The following SDK2 variants were observed in gnomAD, a reference collection of about 807,000 sequenced individuals.
SDK2 encodes the protein protein sidekick-2.
A neutral mutation model predicts 253.9 loss-of-function variants in SDK2; 105 were observed. That is an observed-to-expected ratio of 0.41 (90% CI 0.35 to 0.49). The LOEUF (loss-of-function observed/expected upper bound fraction) is 0.49. Ranked by LOEUF, SDK2 falls within the 20% of genes least tolerant of loss-of-function variation. The pLI is 0.06. For missense variants in SDK2, 2,608 were observed against 3,003.0 expected (o/e 0.87, Z 3.07); for synonymous variants, 1,249 against 1,234.9 (o/e 1.01, Z -0.24).
chr17:73,339,837 G>A (rs186025315), intron 44 of SDK2, among the ~76,000 whole-genome samples: 5 of 151,904 alleles, frequency 3.3e-5, no homozygotes, highest in East Asian at 3.9e-4. Context: ...GATTACAGGC[G>A]TGAGCTACTT....
chr17:73,396,015 C>T (rs1568381056), intron 24 of SDK2, among the ~76,000 whole-genome samples: 1 of 152,088 alleles, frequency 6.6e-6, no homozygotes, highest in East Asian at 1.9e-4. Flanking sequence ...CTCCTGGGCT[C>T]AAGCAATCTC....
chr17:73,431,735 C>T lies in SDK2; in HGVS notation c.1313-66G>A, dbSNP rs1191425902. On this transcript the variant is annotated intron_variant, in intron 10 of 44. Coordinates refer to ENST00000392650, the MANE Select transcript of SDK2 (RefSeq NM_001144952.2). The surrounding 1 kb of genome is among the most constrained non-coding windows in gnomAD (Gnocchi z 5.6). The stretch of plus-strand genomic sequence containing the variant: ...AGGGCACACCCTGCCCTTCCCTGGC[C>T]GCTCCAGGGCAGCATGGTCCCCCCA... The T allele has an allele frequency of 4.6e-5, 67 of 1,451,062 alleles. No individual in the cohort carries two copies. The highest frequency in any genetic ancestry group is 2.6e-4 in the Middle Eastern group (1 of 3,906). 89.9% of individuals were successfully genotyped at this position (1,451,062 alleles called of 1,614,324 possible).
At chr17:73,358,325 G>A in intron 39 of SDK2, 121 bp from the exon 40 acceptor site, 3 of 1,317,412 alleles carry the variant, frequency 2.3e-6, no homozygotes, top group Non-Finnish European at 3.1e-6. Context: ...GAGCCGCCAG[G>A]AAGCCCTGCA....
chr17:73,526,852 G>A (rs553422021), intron 1 of SDK2, among the ~76,000 whole-genome samples: 7 of 152,176 alleles, frequency 4.6e-5, no homozygotes, highest in Non-Finnish European at 1.0e-4. Context: ...AATCTTTGAT[G>A]AGCATGCAAT....
chr17:73,566,919 T>A (rs566716806), intron 1 of SDK2, among the ~76,000 whole-genome samples: 1 of 150,932 alleles, frequency 6.6e-6, no homozygotes, highest in African/African-American at 2.4e-5. Context: ...AATTTCCAGC[T>A]TGGCCATGAG....
At chr17:73,466,502 C>T (rs936071567) in intron 3 of SDK2, among the ~76,000 whole-genome samples, 1 of 152,102 alleles carries the variant, frequency 6.6e-6, no homozygotes, top group South Asian at 2.1e-4. Flanking sequence ...ACGGTTACAC[C>T]CTGCCAGGCA....
intron 8 of SDK2, among the ~76,000 whole-genome samples, chr17:73,437,000 C>G (rs1419880194): frequency 6.6e-6 from 1 of 152,136 alleles, no homozygotes; most frequent in East Asian, 1.9e-4. Context: ...TCTCCCCACT[C>G]CTGAGGACAC....
intron 2 of SDK2, among the ~76,000 whole-genome samples, chr17:73,485,708 T>A (rs898262845): frequency 6.6e-6 from 1 of 152,214 alleles, no homozygotes; most frequent in African/African-American, 2.4e-5. Context: ...AATTATATGA[T>A]ATTCAAATTT....
chr17:73,493,526 C>G (rs557684195), intron 2 of SDK2, among the ~76,000 whole-genome samples: 1 of 152,274 alleles, frequency 6.6e-6, no homozygotes, highest in South Asian at 2.1e-4. Flanking sequence ...CCAGACTGTT[C>G]CATGCAGAGG....
At chr17:73,350,164 T>A in intron 43 of SDK2, 73 bp downstream of exon 43, 1 of 171,976 alleles carries the variant, frequency 5.8e-6, no homozygotes, top group Non-Finnish European at 8.7e-6. Flanking sequence ...CCCTGCTCTA[T>A]GGCCTTCCCC....
chr17:73,600,396 C>T (rs1353084372), intron 1 of SDK2, among the ~76,000 whole-genome samples: 3 of 152,180 alleles, frequency 2.0e-5, no homozygotes, highest in Admixed American at 6.5e-5. Flanking sequence ...AAAAACGGGA[C>T]GCCTTCCCAA....
intron 2 of SDK2, among the ~76,000 whole-genome samples, chr17:73,479,539 A>G (rs2063708676): frequency 1.3e-5 from 2 of 152,256 alleles, no homozygotes; most frequent in African/African-American, 4.8e-5. Context: ...GGCGATCAAA[A>G]GGGAAAAGAA....
chr17:73,393,082 TA>T (rs1457811346), intron 27 of SDK2, among the ~76,000 whole-genome samples: 1 of 151,436 alleles, frequency 6.6e-6, no homozygotes, highest in African/African-American at 2.4e-5. Flanking sequence ...CCAGCTCTAC[TA>T]AAAATACAAC....
intron 1 of SDK2, among the ~76,000 whole-genome samples, chr17:73,544,584 G>A (rs1430278841): frequency 6.6e-6 from 1 of 152,200 alleles, no homozygotes; most frequent in Non-Finnish European, 1.5e-5. Flanking sequence ...ATGTGTGTAT[G>A]GATGGACAGA....
rs1181053806 is a variant in SDK2 at position 73,612,231 on chromosome 17, CCGGCCCCCCA to C, written c.64+31784_64+31793del. 6.6e-6 allele frequency among the ~76,000 whole-genome samples: 1 copy of C among 152,174 alleles called. No homozygotes were observed. Among genetic ancestry groups the C allele is most frequent in the African/African-American group, 2.4e-5 (1 of 41,446 alleles). ...GGCCCAGCTGCACCCGGGCTGCAGG[CCGGCCCCCCA>C]CGGTCCCCCACCCTCACGGGGTCCC... On this transcript the variant is annotated intron_variant, in intron 1 of 44. Transcript: ENST00000392650. This position sits in a 1 kb window ranked among gnomAD's most constrained non-coding sequence, Gnocchi z 4.4.
intron 3 of SDK2, among the ~76,000 whole-genome samples, chr17:73,471,052 C>T (rs1358138293): frequency 6.6e-6 from 1 of 152,150 alleles, no homozygotes; most frequent in Non-Finnish European, 1.5e-5. Context: ...AGCTGTCTTC[C>T]CTTCCTCTTC....
intron 37 of SDK2, among the ~76,000 whole-genome samples, chr17:73,366,486 G>A (rs917235635): frequency 1.3e-5 from 2 of 152,170 alleles, no homozygotes; most frequent in Admixed American, 6.5e-5. Context: ...TGATGCCACA[G>A]GTGTGCCCTC....
intron 18 of SDK2, among the ~76,000 whole-genome samples, chr17:73,403,084 C>T (rs1447670262): frequency 6.6e-6 from 1 of 152,194 alleles, no homozygotes; most frequent in Non-Finnish European, 1.5e-5. Context: ...CAGGCATGAG[C>T]CGCTGTGCCC....
intron 41 of SDK2, among the ~76,000 whole-genome samples, chr17:73,351,422 T>C (rs1246335263): frequency 6.6e-6 from 1 of 152,150 alleles, no homozygotes; most frequent in South Asian, 2.1e-4. Flanking sequence ...TTTTCTTTTT[T>C]TCTTTTGTAC....
Sources: allele counts gnomAD v4.1 joint callset (sites outside exome capture counted in the v4.1 genomes callset), GRCh38; gene constraint gnomAD v4.1.1; non-coding constraint Gnocchi (gnomAD v3.1); transcripts MANE v1.5; gene names NCBI Gene and HGNC (gene_info 2026-07-23, HGNC 2026-07-21).